The following ZNF226 variants were observed in gnomAD, a reference collection of about 807,000 sequenced individuals.
ZNF226 encodes the protein zinc finger protein 226.
Under a neutral mutation model 11.4 loss-of-function variants are expected in ZNF226, and 6 were observed. That is an observed-to-expected ratio of 0.53 (90% CI 0.29 to 1.04). The LOEUF (loss-of-function observed/expected upper bound fraction) is 1.04. ZNF226 is among the 50% of genes least tolerant of loss of function. The pLI, the probability that ZNF226 is intolerant of heterozygous loss-of-function variation, is 0.08. For synonymous variants in ZNF226, 350 were observed against 322.8 expected (o/e 1.08, Z -0.90); for missense variants, 1,058 against 956.5 (o/e 1.11, Z -1.40).
chr19:44,199,294 C>T, the ZNF226 span, among the ~76,000 whole-genome samples: 1 of 151,556 alleles, frequency 6.6e-6, no homozygotes, highest in Non-Finnish European at 1.5e-5. Flanking sequence ...CCAGCCTCTG[C>T]CTCCCAAGTA....
chr19:44,191,868 G>A, the ZNF226 span, among the ~76,000 whole-genome samples: 6 of 152,110 alleles, frequency 3.9e-5, no homozygotes, highest in South Asian at 1.2e-3. Flanking sequence ...AAAAATCTTT[G>A]TTTCCTAGGC....
downstream of ZNF226, chr19:44,177,696 A>G (rs1411206496): frequency 3.9e-6 from 6 of 1,543,754 alleles, no homozygotes; most frequent in East Asian, 6.8e-5. Flanking sequence ...GACTCGTGTC[A>G]TTTGAATTCT....
chr19:44,188,488 G>A, the ZNF226 span, among the ~76,000 whole-genome samples: 1 of 152,116 alleles, frequency 6.6e-6, no homozygotes, highest in Admixed American at 6.5e-5. Context: ...GCATGGTATT[G>A]ACATAATATT....
downstream of ZNF226, among the ~76,000 whole-genome samples, chr19:44,178,912 GCCCACGT>G (rs1329260347): frequency 2.6e-5 from 4 of 152,158 alleles, no homozygotes; most frequent in African/African-American, 9.7e-5. Context: ...GGGTGTGATG[GCCCACGT>G]CCATAATCCC....
intron 2 of ZNF226, chr19:44,167,843 C>T (rs1969583668): frequency 6.6e-6 from 1 of 152,198 alleles, no homozygotes; most frequent in Non-Finnish European, 1.5e-5. Flanking sequence ...GGAGCCCACA[C>T]ATGCATGGGG....
Position 44,170,055 on chromosome 19 carries a change from C to T in ZNF226, c.-26C>T. 4 of 1,607,356 alleles carry T rather than the reference C, an allele frequency of 2.5e-6. No individual in the cohort carries two copies. Among genetic ancestry groups the T allele is most frequent in the African/African-American group, 1.3e-5 (1 of 74,806 alleles). On this transcript the variant is annotated 5_prime_UTR_variant, in exon 3 of 6. Coordinates refer to ENST00000337433, the MANE Select transcript of ZNF226 (RefSeq NM_001032373.2). ...CCTAGTTCAGCTTCTTAGGACTCTG[C>T]ACTTCCCCAGAAGGAAGAATTAAAA... is the stretch of plus-strand genomic sequence containing the variant.
rs1179158817 is a variant in ZNF226 at position 44,175,490 on chromosome 19, C to A, written c.236-8C>A. 1 of 1,567,170 alleles carries A rather than the reference C, an allele frequency of 6.4e-7. No individual in the cohort carries two copies. Among genetic ancestry groups the A allele is most frequent in the African/African-American group, 1.4e-5 (1 of 73,042 alleles). ...TTCACTATCTCTCTGAATCCTTTGT[C>A]CTTACAGGAGAGAAAAATCAAAGTA... On this transcript the variant is annotated splice_polypyrimidine_tract_variant and splice_region_variant and intron_variant, in intron 5 of 5. Coordinates refer to ENST00000337433, the MANE Select transcript of ZNF226 (RefSeq NM_001032373.2).
the ZNF226 span, among the ~76,000 whole-genome samples, chr19:44,196,101 C>A: frequency 1.3e-5 from 2 of 151,932 alleles, no homozygotes; most frequent in Non-Finnish European, 2.9e-5. Flanking sequence ...TGGTCATGGA[C>A]TTCAAAGAAG....
chr19:44,176,895 T>C lies in ZNF226; in HGVS notation c.1633T>C (p.Tyr545His), dbSNP rs1174364172. 1 of 1,611,906 alleles carries C rather than the reference T, an allele frequency of 6.2e-7. No homozygotes were observed. Among genetic ancestry groups the C allele is most frequent in the African/African-American group, 1.3e-5 (1 of 74,220 alleles). Residue 545 changes from tyrosine (Y) to histidine (H), a missense_variant, in exon 6 of 6, where the codon TAT becomes CAT. Coordinates refer to ENST00000337433, the MANE Select transcript of ZNF226 (RefSeq NM_001032373.2). ...ICGKGFSQSS[Y>H]LQIHQKAHSI... ...TGGGAAGGGCTTCAGTCAAAGTTCG[T>C]ATCTTCAAATCCATCAGAAGGCCCA... is the stretch of plus-strand genomic sequence containing the variant.
chr19:44,182,824 C>G (rs1229519667), downstream of ZNF226, among the ~76,000 whole-genome samples: 1 of 152,128 alleles, frequency 6.6e-6, no homozygotes, highest in African/African-American at 2.4e-5. Flanking sequence ...TATCAGAGAT[C>G]TTTGCATTTG....
chr19:44,197,084 C>G, the ZNF226 span, among the ~76,000 whole-genome samples: 2 of 151,976 alleles, frequency 1.3e-5, no homozygotes, highest in East Asian at 3.9e-4. Context: ...TCTGTTTTGC[C>G]CAACATTATG....
At position 44,173,363 on chromosome 19, in the gene ZNF226, C is replaced by T. The variant is rs1240695530; in HGVS notation, c.235+411C>T. On this transcript the variant is annotated intron_variant, in intron 5 of 5. Coordinates refer to ENST00000337433, the MANE Select transcript of ZNF226 (RefSeq NM_001032373.2). ...TCAGACCTATCAAGGATGCTTCTGC[C>T]TCACAACCCTGTGTGTTCTTCCCTC... 9 of 264,768 alleles carry T rather than the reference C, an allele frequency of 3.4e-5. No homozygotes were observed. The East Asian group carries it at 6.0e-4, about 18-fold the overall frequency. The allele number at this position is 264,768 out of a possible 1,614,324, so 16.4% of individuals were successfully genotyped here. A position where few individuals can be genotyped will look rare whatever the true frequency, so the allele number is the denominator to read the frequency against.
chr19:44,169,935 C>T, intron 2 of ZNF226, 100 bp from the exon 3 acceptor site: 1 of 650,476 alleles, frequency 1.5e-6, no homozygotes, highest in Middle Eastern at 2.6e-4. Context: ...AAGCTGCAGC[C>T]ACCCCAAGAA....
downstream of ZNF226, among the ~76,000 whole-genome samples, chr19:44,178,849 C>T (rs1970860860): frequency 6.6e-6 from 1 of 151,958 alleles, no homozygotes; most frequent in Admixed American, 6.6e-5. Context: ...AAAATGATGA[C>T]CAAATTTTAT....
In ZNF226 at chr19:44,177,182, A is replaced by G. The variant is rs1970770108; in HGVS notation, c.1920A>G (p.Glu640=). 2 of 1,612,450 alleles carry G rather than the reference A, an allele frequency of 1.2e-6. No homozygotes were observed. The highest frequency in any genetic ancestry group is 1.3e-5 in the African/African-American group (1 of 74,360). The change falls in exon 6 of 6, where the codon GAA becomes GAG. Residue 640 remains glutamate (E), a synonymous_variant. Coordinates refer to ENST00000337433, the MANE Select transcript of ZNF226 (RefSeq NM_001032373.2). ...CCCATCAGAGAGTCCACAGTGGAGA[A>G]AAACCATTCAAATGTGAAGAATGTG... ...LLAHQRVHSG[E]KPFKCEECGK... is the part of the protein sequence containing the mutation.
downstream of ZNF226, among the ~76,000 whole-genome samples, chr19:44,180,130 A>G (rs1970886615): frequency 6.6e-6 from 1 of 151,548 alleles, no homozygotes; most frequent in African/African-American, 2.4e-5. Flanking sequence ...GGTGAGGGCA[A>G]ATTCAGAAGC....
rs1210470069 is a variant in ZNF226 at position 44,175,525 on chromosome 19, C to T, written c.263C>T (p.Thr88Ile). Reference sequence around the variant, plus strand: ...GAGAAAAATCAAAGTAAGTTAATTACTGTTCAAGACAGAGAATCAGAAGAA... The same window carrying T: ...GAGAAAAATCAAAGTAAGTTAATTATTGTTCAAGACAGAGAATCAGAAGAA... ...LGEKNQSKLITVQDRESEEEL... is the reference protein window; with the variant it reads ...LGEKNQSKLIIVQDRESEEEL... Residue 88 changes from threonine (T) to isoleucine (I), a missense_variant, in exon 6 of 6, where the codon ACT becomes ATT. Coordinates refer to ENST00000337433, the MANE Select transcript of ZNF226 (RefSeq NM_001032373.2). 6.3e-7 allele frequency: 1 copy of T among 1,598,784 alleles called. No individual in the cohort carries two copies. Among genetic ancestry groups the T allele is most frequent in the East Asian group, 2.2e-5 (1 of 44,832 alleles).
In ZNF226 at chr19:44,172,677, T is replaced by C. The variant is rs899132102; in HGVS notation, c.143-183T>C. 30 of 568,364 alleles carry C rather than the reference T, an allele frequency of 5.3e-5. No homozygotes were observed. In the East Asian group the frequency reaches 6.0e-4, roughly 11 times the overall value. The allele number at this position is 568,364 out of a possible 1,614,324, so 35.2% of individuals were successfully genotyped here. A position where few individuals can be genotyped will look rare whatever the true frequency, so the allele number is the denominator to read the frequency against. On this transcript the variant is annotated intron_variant, in intron 4 of 5. Coordinates refer to ENST00000337433, the MANE Select transcript of ZNF226 (RefSeq NM_001032373.2). Reference sequence around the variant, plus strand: ...TTATTCAAACTTGGTTTTCATAATATGTATTTACGCATGTGTGTCTGGGTC... The same window carrying C: ...TTATTCAAACTTGGTTTTCATAATACGTATTTACGCATGTGTGTCTGGGTC...
the ZNF226 span, among the ~76,000 whole-genome samples, chr19:44,198,424 C>T: frequency 1.3e-5 from 2 of 152,114 alleles, no homozygotes; most frequent in African/African-American, 4.8e-5. Flanking sequence ...ATCTGAATAG[C>T]ACCACATATT....
Sources: allele counts gnomAD v4.1 joint callset (sites outside exome capture counted in the v4.1 genomes callset), GRCh38; gene constraint gnomAD v4.1.1; transcripts MANE v1.5; gene names NCBI Gene and HGNC (gene_info 2026-07-23, HGNC 2026-07-21).